Variants in GOT2 observed in about 807,000 individuals in gnomAD.
GOT2 encodes aspartate aminotransferase, mitochondrial.
Under a neutral mutation model 50.0 loss-of-function variants are expected in GOT2, and 17 were observed. The observed-to-expected ratio is 0.34, with a 90% CI of 0.23 to 0.51. The LOEUF is 0.51. GOT2 is among the 20% of genes least tolerant of loss of function. The pLI is 0.97. For missense variants in GOT2, 430 were observed against 559.6 expected, an observed-to-expected ratio of 0.77 and a Z score of 2.34; for synonymous variants, 172 against 204.9, an observed-to-expected ratio of 0.84 and a Z score of 1.37.
intron 1 of GOT2, among the ~76,000 whole-genome samples, chr16:58,726,026 G>C (rs1042661774): frequency 3.9e-5 from 6 of 152,154 alleles, no homozygotes; most frequent in African/African-American, 1.4e-4. Flanking sequence ...TGAGCAGCTT[G>C]TTATACTTTT....
chr16:58,716,353 T>C (rs2044692744), intron 7 of GOT2, 174 bp from the exon 8 acceptor site: 3 of 645,886 alleles, frequency 4.6e-6, no homozygotes, highest in Non-Finnish European at 7.8e-6. Context: ...CAAGGAAGTT[T>C]TGAGTACTCA....
rs145901251 is a variant in GOT2, at chr16:58,716,256, C to T, written c.854-77G>A. The T allele has an allele frequency of 6.6e-4, 883 of 1,347,644 alleles. 4 individuals are homozygous for T. The African/African-American group carries it at 0.011, about 17-fold the overall frequency. The allele number at this position is 1,347,644 out of a possible 1,614,324, so 83.5% of individuals were successfully genotyped here. ...AAGCAAATCATGAGTGTATTTGCTA[C>T]GTATTATCTGTTTCCATCCAAAGGA... On this transcript the variant is annotated intron_variant, in intron 7 of 9. Transcript: ENST00000245206.
rs2044859490 is a variant in GOT2, at chr16:58,734,192, T to C, written c.37A>G (p.Ile13Val). Reference protein sequence around the residue: ...LLHSGRVLPGIAAAFHPGLAA... With the variant: ...LLHSGRVLPGVAAAFHPGLAA... ...AGGCCCGGGTGGAAGGCGGCGGCGA[T>C]CCCGGGGAGGACGCGGCCGGAGTGC... is the stretch of plus-strand genomic sequence containing the variant. The change falls in exon 1 of 10, where the codon ATC (isoleucine) becomes GTC (valine). Residue 13 changes from isoleucine (I) to valine (V), a missense_variant. Physicochemically the swap from Ile to Val is conservative, Grantham distance 29. Coordinates refer to ENST00000245206, the MANE Select transcript of GOT2 (RefSeq NM_002080.4). 2 of 1,336,776 alleles carry C rather than the reference T, an allele frequency of 1.5e-6. No individual in the cohort carries two copies. The highest frequency in any genetic ancestry group is 1.5e-5 in the African/African-American group (1 of 66,530). 82.8% of individuals were successfully genotyped at this position (1,336,776 alleles called of 1,614,324 possible).
At chr16:58,729,468 C>T (rs1422357451) in intron 1 of GOT2, among the ~76,000 whole-genome samples, 2 of 148,398 alleles carry the variant, frequency 1.3e-5, no homozygotes, top group Non-Finnish European at 3.0e-5. Flanking sequence ...TGAGACAAGC[C>T]TGGGCTACAT....
At chr16:58,726,782 C>T (rs2044788895) in intron 1 of GOT2, among the ~76,000 whole-genome samples, 1 of 151,660 alleles carries the variant, frequency 6.6e-6, no homozygotes, top group Non-Finnish European at 1.5e-5. Flanking sequence ...GCCACTGCAC[C>T]CGGCTGTGAA....
At chr16:58,716,581 C>A in intron 7 of GOT2, 82 bp downstream of exon 7, 4 of 1,199,540 alleles carry the variant, frequency 3.3e-6, no homozygotes, top group Non-Finnish European at 4.8e-6. Flanking sequence ...CACACACACA[C>A]ACACACACCC....
At position 58,708,211 on chromosome 16, in the gene GOT2, A is replaced by G; in HGVS notation, c.1253T>C (p.Val418Ala). The change falls in exon 10 of 10, where the codon GTG becomes GCG. Residue 418 changes from valine (V) to alanine (A), a missense_variant. Val to Ala is a moderately conservative substitution (Grantham distance 64). Transcript: ENST00000245206. ...ISVAGVTSSN[V>A]GYLAHAIHQV... ...GTGAATGGCATGGGCAAGGTAGCCC[A>G]CGTTGCTGGAGGTGACCCCTGCCAC... 1 of 1,614,132 alleles carries G rather than the reference A, an allele frequency of 6.2e-7. No individual in the cohort carries two copies. The highest frequency in any genetic ancestry group is 8.5e-7 in the Non-Finnish European group (1 of 1,179,996).
intron 7 of GOT2, chr16:58,716,441 A>C: frequency 1.7e-6 from 1 of 605,292 alleles, no homozygotes; most frequent in South Asian, 2.2e-5. Context: ...AGAAGCAGTA[A>C]TCAGTTTCCT....
At chr16:58,732,720 T>C (rs1448495451) in intron 1 of GOT2, among the ~76,000 whole-genome samples, 6 of 152,182 alleles carry the variant, frequency 3.9e-5, no homozygotes, top group Non-Finnish European at 1.5e-5. Flanking sequence ...CCCCAAGGGA[T>C]TTTCACCAAG....
chr16:58,724,313 C>G (rs951875462), intron 1 of GOT2, among the ~76,000 whole-genome samples: 4 of 145,334 alleles, frequency 2.8e-5, no homozygotes, highest in African/African-American at 1.0e-4. Flanking sequence ...GACAGAGTCT[C>G]GCTCTGTCAC....
At chr16:58,712,426 G>A (rs1000270956) in intron 8 of GOT2, among the ~76,000 whole-genome samples, 1 of 152,142 alleles carries the variant, frequency 6.6e-6, no homozygotes, top group East Asian at 1.9e-4. Flanking sequence ...CAGGAGAATC[G>A]CTTGAACCCA....
At position 58,707,671 on chromosome 16, in the gene GOT2, G is replaced by A. The variant is rs2044614922; in HGVS notation, c.*500C>T. On this transcript the variant is annotated 3_prime_UTR_variant, in exon 10 of 10. Coordinates refer to ENST00000245206, the MANE Select transcript of GOT2 (RefSeq NM_002080.4). ...AAACTGCATTATTTCCCTTGCTGGA[G>A]TGGCAGCAGCCTCATTGGTTTTCAT... is the stretch of plus-strand genomic sequence containing the variant. The A allele has an allele frequency of 6.6e-6, 1 of 152,230 alleles. No homozygotes were observed. Among genetic ancestry groups the A allele is most frequent in the South Asian group, 2.1e-4 (1 of 4,832 alleles). 9.4% of individuals were successfully genotyped at this position (152,230 alleles called of 1,614,324 possible). A position where few individuals can be genotyped will look rare whatever the true frequency, so the allele number is the denominator to read the frequency against.
chr16:58,718,064 G>T, intron 6 of GOT2, 132 bp downstream of exon 6: 1 of 737,900 alleles, frequency 1.4e-6, no homozygotes. Flanking sequence ...CCCTTTTCTG[G>T]CAGCTTATCC....
At chr16:58,716,623 C>T in intron 7 of GOT2, 40 bp downstream of exon 7, 2 of 1,593,694 alleles carry the variant, frequency 1.3e-6, no homozygotes, top group East Asian at 2.2e-5. Flanking sequence ...CATTCTCTCC[C>T]AGCATGAGAG....
At chr16:58,713,391 C>A (rs1350149099) in intron 8 of GOT2, among the ~76,000 whole-genome samples, 2 of 152,124 alleles carry the variant, frequency 1.3e-5, no homozygotes, top group South Asian at 2.1e-4. Flanking sequence ...GTAATCCCAG[C>A]ACTTTGGAAG....
intron 3 of GOT2, among the ~76,000 whole-genome samples, chr16:58,721,343 T>C (rs1430688678): frequency 6.6e-6 from 1 of 152,174 alleles, no homozygotes; most frequent in Non-Finnish European, 1.5e-5. Context: ...CGAGTTCACA[T>C]GTTGGGAGCG....
At chr16:58,722,384 T>C in intron 2 of GOT2, 106 bp from the exon 3 acceptor site, 1 of 1,167,336 alleles carries the variant, frequency 8.6e-7, no homozygotes, top group East Asian at 2.5e-5. Flanking sequence ...AAGTCTTTTT[T>C]TTTTGAGATG....
chr16:58,708,428 G>T (rs1205676178), intron 9 of GOT2, 135 bp from the exon 10 acceptor site: 1 of 807,216 alleles, frequency 1.2e-6, no homozygotes, highest in Non-Finnish European at 1.9e-6. Flanking sequence ...CTGTTAGCTT[G>T]GAATAAAATA....
chr16:58,724,435 T>C (rs926482959), intron 1 of GOT2, among the ~76,000 whole-genome samples: 12 of 152,016 alleles, frequency 7.9e-5, no homozygotes, highest in Admixed American at 4.6e-4. Context: ...TTACAGAAAA[T>C]TGAGCAGATA....
Sources: gnomAD v4.1 joint callset for allele counts (sites outside exome capture counted in the v4.1 genomes callset) on GRCh38, gnomAD v4.1.1 for gene constraint, MANE v1.5 for transcripts, NCBI Gene and HGNC (gene_info 2026-07-23, HGNC 2026-07-21) for gene names.